The following NCKAP5 variants were observed in gnomAD, a reference collection of about 807,000 sequenced individuals.
NCKAP5 encodes NCK associated protein 5.
Under a neutral mutation model 167.0 loss-of-function variants are expected in NCKAP5, and 92 were observed. The observed-to-expected ratio is 0.55, with a 90% CI of 0.47 to 0.66. NCKAP5 has a LOEUF of 0.66. NCKAP5 is among the 30% of genes least tolerant of loss of function. The pLI is 0.00. For missense variants in NCKAP5, 2,378 were observed against 2,315.0 expected, an observed-to-expected ratio of 1.03 and a Z score of -0.56; for synonymous variants, 891 against 877.4, an observed-to-expected ratio of 1.02 and a Z score of -0.27.
intron 3 of NCKAP5, among the ~76,000 whole-genome samples, chr2:133,314,448 G>T (rs938400731): frequency 6.6e-6 from 1 of 152,110 alleles, no homozygotes; most frequent in African/African-American, 2.4e-5. Context: ...CTGATATTTT[G>T]CATCTCTGAG....
intron 3 of NCKAP5, among the ~76,000 whole-genome samples, chr2:133,445,553 G>A (rs891602556): frequency 6.6e-5 from 10 of 152,176 alleles, no homozygotes; most frequent in African/African-American, 1.4e-4. Flanking sequence ...GCATGTAGAC[G>A]TTTGGTTTGC....
intron 3 of NCKAP5, among the ~76,000 whole-genome samples, chr2:133,486,570 T>A (rs540986873): frequency 6.6e-6 from 1 of 152,156 alleles, no homozygotes; most frequent in African/African-American, 2.4e-5. Flanking sequence ...TGAAACAGAA[T>A]TGGAAATTAC....
intron 6 of NCKAP5, among the ~76,000 whole-genome samples, chr2:133,062,772 TG>T: frequency 6.6e-6 from 1 of 152,362 alleles, no homozygotes; most frequent in East Asian, 1.9e-4. Flanking sequence ...TAAAATGCTC[TG>T]GGAAATAATT....
At chr2:132,902,460 G>T (rs1261012872) in intron 8 of NCKAP5, among the ~76,000 whole-genome samples, 1 of 152,144 alleles carries the variant, frequency 6.6e-6, no homozygotes, top group African/African-American at 2.4e-5. Context: ...GTGTTGCCTT[G>T]CTATTCACAT....
intron 3 of NCKAP5, among the ~76,000 whole-genome samples, chr2:133,307,695 G>A (rs530166275): frequency 6.6e-6 from 1 of 152,204 alleles, no homozygotes; most frequent in South Asian, 2.1e-4. Flanking sequence ...AGGCATTCAT[G>A]AATTCATAAA....
chr2:133,476,931 T>C (rs533596655), intron 3 of NCKAP5, among the ~76,000 whole-genome samples: 9 of 152,352 alleles, frequency 5.9e-5, no homozygotes, highest in Middle Eastern at 3.4e-3. Flanking sequence ...AGATGTGAGA[T>C]TGGAATGCAT....
At chr2:133,413,248 G>T (rs538440019) in intron 3 of NCKAP5, among the ~76,000 whole-genome samples, 5 of 152,214 alleles carry the variant, frequency 3.3e-5, no homozygotes, top group African/African-American at 1.2e-4. Flanking sequence ...GAAGTATTAG[G>T]AGAGGTCAAT....
intron 6 of NCKAP5, among the ~76,000 whole-genome samples, chr2:133,086,974 T>C (rs1447351650): frequency 6.6e-6 from 1 of 152,174 alleles, no homozygotes; most frequent in African/African-American, 2.4e-5. Context: ...TTTTTAAAAA[T>C]CTAGAAAAGT....
At chr2:133,322,690 G>A (rs1277621771) in intron 3 of NCKAP5, among the ~76,000 whole-genome samples, 1 of 152,142 alleles carries the variant, frequency 6.6e-6, no homozygotes, top group East Asian at 1.9e-4. Context: ...AATCTATCCT[G>A]GGGGATGAGA....
intron 6 of NCKAP5, among the ~76,000 whole-genome samples, chr2:133,060,692 T>C (rs528251036): frequency 6.6e-6 from 1 of 152,304 alleles, no homozygotes; most frequent in East Asian, 1.9e-4. Context: ...GCTATGAAGA[T>C]AAATGTACAC....
intron 3 of NCKAP5, among the ~76,000 whole-genome samples, chr2:133,498,404 G>A (rs1230515658): frequency 6.7e-6 from 1 of 149,366 alleles, no homozygotes; most frequent in Non-Finnish European, 1.5e-5. Flanking sequence ...AGGATGAAAA[G>A]GGAGGAGGAA....
the NCKAP5 span, among the ~76,000 whole-genome samples, chr2:133,598,563 T>C: frequency 6.6e-6 from 1 of 152,180 alleles, no homozygotes; most frequent in Non-Finnish European, 1.5e-5. Flanking sequence ...TGGAGCCCAA[T>C]GAAAGAGGCT....
At chr2:133,074,248 G>A (rs1380093272) in intron 6 of NCKAP5, among the ~76,000 whole-genome samples, 3 of 151,508 alleles carry the variant, frequency 2.0e-5, no homozygotes, top group Non-Finnish European at 2.9e-5. Context: ...AGAGGCATTA[G>A]CCAAAGAATT....
intron 6 of NCKAP5, among the ~76,000 whole-genome samples, chr2:133,106,309 A>G (rs1464081817): frequency 1.3e-5 from 2 of 150,734 alleles, no homozygotes; most frequent in Middle Eastern, 3.2e-3. Flanking sequence ...AAAAAAAAAA[A>G]AAGGAAAACT....
At chr2:133,090,588 G>A (rs1157511520) in intron 6 of NCKAP5, among the ~76,000 whole-genome samples, 1 of 152,128 alleles carries the variant, frequency 6.6e-6, no homozygotes, top group African/African-American at 2.4e-5. Flanking sequence ...CAAACATCTG[G>A]CCTCCAGAAC....
intron 11 of NCKAP5, among the ~76,000 whole-genome samples, chr2:132,799,444 A>G (rs1255004669): frequency 6.6e-6 from 1 of 152,198 alleles, no homozygotes; most frequent in Non-Finnish European, 1.5e-5. Context: ...ACAACATCCA[A>G]TGACAGAATT....
chr2:132,932,921 C>CTT (rs368871730), intron 8 of NCKAP5, among the ~76,000 whole-genome samples: 10,300 of 119,840 alleles, frequency 0.086, 1,142 homozygotes, highest in East Asian at 0.2. Flanking sequence ...TTATCCTCTA[C>CTT]TTTTTTTTTT....
At chr2:133,141,081 G>A (rs1344402804) in intron 5 of NCKAP5, among the ~76,000 whole-genome samples, 1 of 151,810 alleles carries the variant, frequency 6.6e-6, no homozygotes, top group East Asian at 1.9e-4. Context: ...AGTTTCTCTC[G>A]GTAACAACTT....
chr2:133,255,570 C>T (rs949784970), intron 4 of NCKAP5, among the ~76,000 whole-genome samples: 3 of 151,974 alleles, frequency 2.0e-5, no homozygotes, highest in African/African-American at 4.8e-5. Flanking sequence ...GCTCCTAGTG[C>T]GAATGGATAC....
Sources: allele counts gnomAD v4.1 joint callset (sites outside exome capture counted in the v4.1 genomes callset), GRCh38; gene constraint gnomAD v4.1.1; transcripts MANE v1.5; gene names NCBI Gene and HGNC (gene_info 2026-07-23, HGNC 2026-07-21).